The following TC2N variants were observed in gnomAD, a reference collection of about 807,000 sequenced individuals.
TC2N encodes tandem C2 domains nuclear protein.
In TC2N, 51 loss-of-function variants were observed where a neutral mutation model predicts 61.9. The ratio of observed to expected loss-of-function variants is 0.82; its 90% CI spans 0.66 to 1.04. The LOEUF is 1.04. Among genes scored for constraint, TC2N ranks in the 50% least tolerant of loss-of-function variants. The pLI is 0.00. For synonymous variants in TC2N, 204 were observed against 192.6 expected (o/e 1.06, Z -0.49); for missense variants, 556 against 566.7 (o/e 0.98, Z 0.19).
chr14:91,859,807 A>C (rs926256704), intron 1 of TC2N, among the ~76,000 whole-genome samples: 1 of 152,204 alleles, frequency 6.6e-6, no homozygotes, highest in Admixed American at 6.5e-5. Context: ...GAAGAACTGC[A>C]TTCCAGCCAA....
rs34245812 is a variant in TC2N, at chr14:91,850,049, C to CAA, written c.-57+17211_-57+17212dup. ...GGGCAACAAGAGTGAAACTCCATCTCAAAAAAAAAAAAAAAAAGATTGGGT... is the reference window on the plus strand; with the variant it reads ...GGGCAACAAGAGTGAAACTCCATCTCAAAAAAAAAAAAAAAAAAAGATTGGGT... On this transcript the variant is annotated intron_variant, in intron 1 of 11. Coordinates refer to ENST00000435962, the MANE Select transcript of TC2N (RefSeq NM_001128596.3). Among the ~76,000 whole-genome samples the CAA allele has an allele frequency of 2.4e-3, 289 of 118,166 alleles. 2 individuals are homozygous for CAA. The highest frequency in any genetic ancestry group is 8.1e-3 in the Middle Eastern group (2 of 246). The allele number at this position is 118,166 out of a possible 152,430, so 77.5% of individuals were successfully genotyped here. A position where few individuals can be genotyped will look rare whatever the true frequency, so the allele number is the denominator to read the frequency against.
chr14:91,846,442 G>A (rs1012946519), intron 1 of TC2N, among the ~76,000 whole-genome samples: 1 of 152,010 alleles, frequency 6.6e-6, no homozygotes. Context: ...CAAATGCCTG[G>A]TGACAAGTCC....
chr14:91,863,871 T>C (rs1888642971), intron 1 of TC2N, among the ~76,000 whole-genome samples: 1 of 148,644 alleles, frequency 6.7e-6, no homozygotes, highest in Non-Finnish European at 1.5e-5. Flanking sequence ...GGCACGTAGC[T>C]GTAGTCCCAG....
At position 91,805,460 on chromosome 14, in the gene TC2N, A is replaced by G. The variant is rs1484293224; in HGVS notation, c.302-3039T>C. Among the ~76,000 whole-genome samples the G allele has an allele frequency of 2.0e-5, 3 of 152,330 alleles. No homozygotes were observed. The East Asian group carries it at 5.8e-4, about 29-fold the overall frequency. On this transcript the variant is annotated intron_variant, in intron 3 of 11. Coordinates refer to ENST00000435962, the MANE Select transcript of TC2N (RefSeq NM_001128596.3). ...GAGGTGGGCAGATCACGAGGTTAAG[A>G]GATCAAGACCATCCTGGCCAACATA...
chr14:91,804,451 C>T (rs890317703), intron 3 of TC2N, among the ~76,000 whole-genome samples: 1 of 152,092 alleles, frequency 6.6e-6, no homozygotes, highest in Non-Finnish European at 1.5e-5. Context: ...ATTCCATCAA[C>T]AGTAAAATAG....
chr14:91,841,207 T>G (rs1888155984), intron 1 of TC2N, among the ~76,000 whole-genome samples: 2 of 152,078 alleles, frequency 1.3e-5, no homozygotes, highest in Non-Finnish European at 2.9e-5. Flanking sequence ...ATGAAACTGC[T>G]CAGGATTCAA....
At chr14:91,819,802 G>T (rs991426297) in intron 1 of TC2N, among the ~76,000 whole-genome samples, 1 of 152,074 alleles carries the variant, frequency 6.6e-6, no homozygotes, top group Non-Finnish European at 1.5e-5. Flanking sequence ...AATAATTATA[G>T]TATATGTGAT....
rs1387218997 is a variant in TC2N at position 91,813,803 on chromosome 14, A to C, written c.-34T>G. On this transcript the variant is annotated 5_prime_UTR_variant, in exon 2 of 12. Transcript: ENST00000435962. ...ATTTCCAATATCCAGCAAAAGACACAAACTTCCAATCTTAATATTAATCTG... is the reference window on the plus strand; with the variant it reads ...ATTTCCAATATCCAGCAAAAGACACCAACTTCCAATCTTAATATTAATCTG... 4 of 1,458,314 alleles carry C rather than the reference A, an allele frequency of 2.7e-6. No homozygotes were observed. The highest frequency in any genetic ancestry group is 2.9e-6 in the Non-Finnish European group (3 of 1,041,788). 90.3% of individuals were successfully genotyped at this position (1,458,314 alleles called of 1,614,324 possible). A position where few individuals can be genotyped will look rare whatever the true frequency, so the allele number is the denominator to read the frequency against.
At chr14:91,830,250 G>A (rs1376440292) in intron 1 of TC2N, among the ~76,000 whole-genome samples, 2 of 152,148 alleles carry the variant, frequency 1.3e-5, no homozygotes, top group Non-Finnish European at 2.9e-5. Context: ...TTACACAGAT[G>A]TTCACAGCAG....
At chr14:91,793,286 C>T (rs1885745718) in intron 8 of TC2N, among the ~76,000 whole-genome samples, 1 of 152,176 alleles carries the variant, frequency 6.6e-6, no homozygotes, top group African/African-American at 2.4e-5. Context: ...GGTTCTTTGC[C>T]ATACACTTCC....
At chr14:91,792,333 T>C (rs1885697974) in intron 9 of TC2N, 34 bp downstream of exon 9, 1 of 1,405,870 alleles carries the variant, frequency 7.1e-7, no homozygotes, top group Non-Finnish European at 9.6e-7. Flanking sequence ...ATTCTAAAAG[T>C]ATGAAATACT....
chr14:91,846,808 CTG>C (rs1482173463), intron 1 of TC2N, among the ~76,000 whole-genome samples: 1 of 152,206 alleles, frequency 6.6e-6, no homozygotes, highest in Non-Finnish European at 1.5e-5. Flanking sequence ...GGCATTGTGA[CTG>C]AGGGCTGTTC....
At chr14:91,801,465 G>A (rs1198689457) in intron 4 of TC2N, among the ~76,000 whole-genome samples, 1 of 152,122 alleles carries the variant, frequency 6.6e-6, no homozygotes, top group Non-Finnish European at 1.5e-5. Flanking sequence ...CCTAACCTGG[G>A]CAACATGGCA....
At chr14:91,821,062 C>T (rs1305993020) in intron 1 of TC2N, among the ~76,000 whole-genome samples, 1 of 151,884 alleles carries the variant, frequency 6.6e-6, no homozygotes, top group Non-Finnish European at 1.5e-5. Flanking sequence ...CCAAATTGAT[C>T]TACAGATTCA....
chr14:91,797,095 T>A (rs1044560283), intron 8 of TC2N, among the ~76,000 whole-genome samples: 2 of 152,082 alleles, frequency 1.3e-5, no homozygotes, highest in Non-Finnish European at 2.9e-5. Flanking sequence ...AAGTTGTATG[T>A]TCTAGAATAC....
chr14:91,815,679 T>C (rs1025061503), intron 1 of TC2N, among the ~76,000 whole-genome samples: 2 of 151,658 alleles, frequency 1.3e-5, no homozygotes, highest in Non-Finnish European at 3.0e-5. Context: ...ATGGCAAATC[T>C]TATTTCATCT....
rs1353963870 is a variant in TC2N, at chr14:91,782,269, G to A, written c.*831C>T. 1.3e-5 allele frequency: 2 copies of A among 151,778 alleles called. No individual in the cohort carries two copies. Among genetic ancestry groups the A allele is most frequent in the East Asian group, 1.9e-4 (1 of 5,186 alleles). 9.4% of individuals were successfully genotyped at this position (151,778 alleles called of 1,614,324 possible). A position where few individuals can be genotyped will look rare whatever the true frequency, so the allele number is the denominator to read the frequency against. On this transcript the variant is annotated 3_prime_UTR_variant, in exon 12 of 12. Coordinates refer to ENST00000435962, the MANE Select transcript of TC2N (RefSeq NM_001128596.3). The stretch of plus-strand genomic sequence containing the variant: ...AATCTAAATTTTAAAAACTAAAAAC[G>A]AAGTGATTATCATAAAATACTGAAT...
In TC2N at chr14:91,826,871, T is replaced by C. The variant is rs549157095; in HGVS notation, c.-56-13046A>G. Among the ~76,000 whole-genome samples the C allele has an allele frequency of 1.3e-4, 20 of 152,360 alleles. No individual in the cohort carries two copies. The East Asian group carries it at 2.9e-3, about 22-fold the overall frequency. ...TGAAAACAATTTTGTCTGATAGTTA[T>C]AGCTATGCAGCTTTCTTTTAGAAAG... On this transcript the variant is annotated intron_variant, in intron 1 of 11. Transcript: ENST00000435962.
rs1008226226 is a variant in TC2N at position 91,867,365 on chromosome 14, A to G, written c.-160T>C. The stretch of plus-strand genomic sequence containing the variant: ...ATTCCATCCTTCTTCCCAGCCCCTG[A>G]GTCTCCCTACACAGCAGGGACCCAG... On this transcript the variant is annotated 5_prime_UTR_variant, in exon 1 of 12. Coordinates refer to ENST00000435962, the MANE Select transcript of TC2N (RefSeq NM_001128596.3). 1 of 152,186 alleles carries G rather than the reference A, an allele frequency of 6.6e-6. No individual in the cohort carries two copies. Among genetic ancestry groups the G allele is most frequent in the Non-Finnish European group, 1.5e-5 (1 of 68,116 alleles). The allele number at this position is 152,186 out of a possible 1,614,324, so 9.4% of individuals were successfully genotyped here. A position where few individuals can be genotyped will look rare whatever the true frequency, so the allele number is the denominator to read the frequency against.
Sources: gnomAD v4.1 joint callset for allele counts (sites outside exome capture counted in the v4.1 genomes callset) on GRCh38, gnomAD v4.1.1 for gene constraint, MANE v1.5 for transcripts, NCBI Gene and HGNC (gene_info 2026-07-23, HGNC 2026-07-21) for gene names.